HK1: variants seen among roughly 807,000 people sequenced by gnomAD.
The protein encoded by HK1 is hexokinase 1, also known as hexokinase-1.
HK1 carries 28 observed loss-of-function variants against 91.6 expected under a neutral mutation model. The observed-to-expected ratio is 0.31, with a 90% CI of 0.23 to 0.42. The LOEUF (loss-of-function observed/expected upper bound fraction) is 0.42. Ranked by LOEUF, HK1 falls within the 10% of genes least tolerant of loss-of-function variation. The pLI is 1.00. For missense variants in HK1, 770 were observed against 1,219.8 expected (o/e 0.63, Z 5.49); for synonymous variants, 430 against 468.1 (o/e 0.92, Z 1.05).
intron 2 of HK1, among the ~76,000 whole-genome samples, chr10:69,355,068 C>CAAAAAAAAA (rs775908068): frequency 1.2e-5 from 1 of 85,256 alleles, no homozygotes; most frequent in Non-Finnish European, 2.3e-5. Context: ...GACTCCCTCT[C>CAAAAAAAAA]AAAAAAAAAA....
At chr10:69,395,945 G>C (rs1410995701) in intron 16 of HK1, among the ~76,000 whole-genome samples, 1 of 152,174 alleles carries the variant, frequency 6.6e-6, no homozygotes, top group Non-Finnish European at 1.5e-5. Flanking sequence ...CAAATACTGT[G>C]TTCTTCTTAG....
intron 9 of HK1, among the ~76,000 whole-genome samples, chr10:69,381,331 G>A (rs1167925345): frequency 6.6e-6 from 1 of 152,120 alleles, no homozygotes; most frequent in Admixed American, 6.5e-5. Context: ...TGAGGGGATA[G>A]GGTTTGAGCC....
Position 69,369,550 on chromosome 10 carries a change from T to C in HK1, c.801T>C (p.Asp267=), listed in dbSNP as rs1564547817. Residue 267 remains aspartate (D), a synonymous_variant, in exon 7 of 18, where the codon GAT becomes GAC. Transcript: ENST00000359426. The surrounding 1 kb of genome is among the most constrained non-coding windows in gnomAD (Gnocchi z 4.4). The part of the protein sequence containing the change: ...INTEWGAFGD[D]GSLEDIRTEF... Reference sequence around the variant, plus strand: ...CAGAATGGGGAGCCTTTGGAGACGATGGATCATTAGAAGACATCCGGACAG... The same window carrying C: ...CAGAATGGGGAGCCTTTGGAGACGACGGATCATTAGAAGACATCCGGACAG... The C allele has an allele frequency of 3.1e-6, 5 of 1,614,174 alleles. No individual in the cohort carries two copies. The highest frequency in any genetic ancestry group is 1.3e-5 in the African/African-American group (1 of 75,036).
At chr10:69,386,183 T>C (rs1319779060) in intron 12 of HK1, 140 bp from the exon 13 acceptor site, 2 of 712,392 alleles carry the variant, frequency 2.8e-6, no homozygotes, top group African/African-American at 3.5e-5. Flanking sequence ...ATTTTATTGG[T>C]TTGTCCTCAG....
chr10:69,365,028 A>G, intron 4 of HK1, 126 bp downstream of exon 4: 1 of 1,071,118 alleles, frequency 9.3e-7, no homozygotes, highest in Admixed American at 1.9e-5. Flanking sequence ...TTTTTAAAGA[A>G]ACATTTGCAG....
At chr10:69,392,749 C>T (rs767281804) in intron 15 of HK1, among the ~76,000 whole-genome samples, 15 of 152,132 alleles carry the variant, frequency 9.9e-5, no homozygotes, top group Non-Finnish European at 2.1e-4. Flanking sequence ...GTCTCAGGTA[C>T]CATGTCTGAA....
At chr10:69,364,943 G>T (rs750486608) in intron 4 of HK1, 41 bp downstream of exon 4, 5 of 1,612,738 alleles carry the variant, frequency 3.1e-6, no homozygotes, top group Non-Finnish European at 4.2e-6. Flanking sequence ...CAGATGCCCC[G>T]GGATGGAAAA....
At chr10:69,327,955 G>C (rs1216905780) in intron 1 of HK1, among the ~76,000 whole-genome samples, 3 of 152,184 alleles carry the variant, frequency 2.0e-5, no homozygotes, top group African/African-American at 7.2e-5. Flanking sequence ...TGCAGGGAAA[G>C]GCTTAGGATG....
chr10:69,360,658 C>G (rs769651942), intron 3 of HK1, among the ~76,000 whole-genome samples: 2 of 152,196 alleles, frequency 1.3e-5, no homozygotes, highest in South Asian at 2.1e-4. Flanking sequence ...AAGGGCTGCC[C>G]TTCCTCCCTG....
chr10:69,305,980 C>A (rs1846083517), intron 5 of HK1, among the ~76,000 whole-genome samples: 1 of 151,886 alleles, frequency 6.6e-6, no homozygotes, highest in Non-Finnish European at 1.5e-5. Flanking sequence ...GAGAATATGC[C>A]CAGAAAAAAG....
At chr10:69,354,239 G>A (rs1246571519) in intron 2 of HK1, among the ~76,000 whole-genome samples, 1 of 151,526 alleles carries the variant, frequency 6.6e-6, no homozygotes, top group African/African-American at 2.4e-5. Context: ...TGGCGTAACT[G>A]CTTTGTGCTT....
chr10:69,338,821 G>T, intron 1 of HK1: 2 of 636,752 alleles, frequency 3.1e-6, no homozygotes, highest in South Asian at 2.1e-5. Context: ...AAGGAAGGAG[G>T]AGAGTAAAGA....
intron 1 of HK1, among the ~76,000 whole-genome samples, chr10:69,334,755 C>T (rs183670264): frequency 2.0e-4 from 31 of 152,276 alleles, no homozygotes; most frequent in African/African-American, 6.3e-4. Flanking sequence ...GTCTAGCTGG[C>T]GGTGTGGACC....
chr10:69,378,957 CACAGAGTTAAAACTTGG>C (rs959558857), intron 8 of HK1, among the ~76,000 whole-genome samples: 17 of 152,232 alleles, frequency 1.1e-4, no homozygotes, highest in Middle Eastern at 3.4e-3. Flanking sequence ...TCCTAGACCC[CACAGAGTTAAAACTTGG>C]GACTCCCCCG....
At chr10:69,345,048 A>C (rs1233951693) in intron 2 of HK1, among the ~76,000 whole-genome samples, 3 of 152,088 alleles carry the variant, frequency 2.0e-5, no homozygotes, top group African/African-American at 7.2e-5. Flanking sequence ...AATGGACGCC[A>C]GGAAACTGCA....
At chr10:69,353,507 C>T (rs892384357) in intron 2 of HK1, among the ~76,000 whole-genome samples, 2 of 151,564 alleles carry the variant, frequency 1.3e-5, no homozygotes, top group Non-Finnish European at 2.9e-5. Flanking sequence ...GTGGGAGGAT[C>T]GCTTGGGCTC....
chr10:69,311,577 T>C (rs1178698216), upstream of HK1, among the ~76,000 whole-genome samples: 1 of 152,192 alleles, frequency 6.6e-6, no homozygotes, highest in Non-Finnish European at 1.5e-5. Flanking sequence ...GATAAGGAGC[T>C]AGTCTGAAGC....
intron 1 of HK1, among the ~76,000 whole-genome samples, chr10:69,331,681 C>T (rs1448666597): frequency 1.3e-5 from 2 of 151,678 alleles, no homozygotes; most frequent in African/African-American, 4.8e-5. Flanking sequence ...TTGAGATCAG[C>T]CAGGGCAATA....
chr10:69,343,547 T>A (rs1386906572), intron 1 of HK1, among the ~76,000 whole-genome samples: 1 of 152,162 alleles, frequency 6.6e-6, no homozygotes, highest in Non-Finnish European at 1.5e-5. Context: ...CTCCATCAAG[T>A]ACTTGGGGGT....
Sources: gnomAD v4.1 joint callset for allele counts (sites outside exome capture counted in the v4.1 genomes callset) on GRCh38, gnomAD v4.1.1 for gene constraint, Gnocchi (gnomAD v3.1) non-coding constraint, MANE v1.5 for transcripts, NCBI Gene and HGNC (gene_info 2026-07-23, HGNC 2026-07-21) for gene names.